The following ARHGAP35 variants were observed in gnomAD, a reference collection of about 807,000 sequenced individuals.
ARHGAP35 encodes rho GTPase-activating protein 35.
ARHGAP35 carries 15 observed loss-of-function variants against 111.1 expected under a neutral mutation model. The ratio of observed to expected loss-of-function variants is 0.13; its 90% confidence interval spans 0.09 to 0.21. The LOEUF (loss-of-function observed/expected upper bound fraction) is 0.21, where lower values mean the gene tolerates loss of function less well. ARHGAP35 is among the 10% of genes least tolerant of loss of function. The pLI is 1.00. For synonymous variants in ARHGAP35, 643 were observed against 710.3 expected (o/e 0.91, Z 1.51); for missense variants, 1,262 against 1,873.0 (o/e 0.67, Z 6.02).
At chr19:46,877,445 C>T (rs904901862) in intron 1 of ARHGAP35, among the ~76,000 whole-genome samples, 2 of 151,036 alleles carry the variant, frequency 1.3e-5, no homozygotes, top group African/African-American at 4.9e-5. Context: ...CACCTGTAAT[C>T]CCCAGCTACT....
chr19:46,889,245 C>G (rs1345115356), intron 1 of ARHGAP35, among the ~76,000 whole-genome samples: 1 of 152,146 alleles, frequency 6.6e-6, no homozygotes, highest in Non-Finnish European at 1.5e-5. Flanking sequence ...GTGGGCAGTT[C>G]ACGAGGTCAG....
chr19:46,986,993 T>G lies in ARHGAP35; in HGVS notation c.3827-996T>G, dbSNP rs549823733. 2.0e-5 allele frequency among the ~76,000 whole-genome samples: 3 copies of G among 151,982 alleles called. No individual in the cohort carries two copies. The highest frequency in any genetic ancestry group is 7.2e-5 in the African/African-American group (3 of 41,442). On this transcript the variant is annotated intron_variant, in intron 3 of 6. Transcript: ENST00000672722. The surrounding 1 kb of genome is among the most constrained non-coding windows in gnomAD (Gnocchi z 4.3). ...ATAGGCATGTGCCACCACACCCACC[T>G]AATTTTGTACTTTTAGTAGAGATGG...
intron 3 of ARHGAP35, among the ~76,000 whole-genome samples, chr19:46,949,765 G>A (rs921662534): frequency 2.0e-5 from 3 of 152,214 alleles, no homozygotes; most frequent in Non-Finnish European, 2.9e-5. Flanking sequence ...TTCAAAGGGA[G>A]TTTTTGACAA....
intron 1 of ARHGAP35, among the ~76,000 whole-genome samples, chr19:46,906,352 A>T (rs1243281301): frequency 1.3e-5 from 2 of 152,054 alleles, no homozygotes; most frequent in East Asian, 3.9e-4. Context: ...TGCTCTCTTG[A>T]GGCTGAAAGG....
Position 47,003,632 on chromosome 19 carries a change from G to GAGAGCTT in ARHGAP35, c.*2945_*2951dup, listed in dbSNP as rs2056760166. ...CCTAGCGTTTGGGGAGGAACAGGGAGAGAGCTTCGGGGCGTCTGTCTCCGT... is the reference window on the plus strand; with the variant it reads ...CCTAGCGTTTGGGGAGGAACAGGGAGAGAGCTTAGAGCTTCGGGGCGTCTGTCTCCGT... On this transcript the variant is annotated 3_prime_UTR_variant, in exon 7 of 7. Coordinates refer to ENST00000672722, the MANE Select transcript of ARHGAP35 (RefSeq NM_004491.5). 1 of 152,242 alleles carries GAGAGCTT rather than the reference G, an allele frequency of 6.6e-6. No individual in the cohort carries two copies. Among genetic ancestry groups the GAGAGCTT allele is most frequent in the Non-Finnish European group, 1.5e-5 (1 of 68,054 alleles). 9.4% of individuals were successfully genotyped at this position (152,242 alleles called of 1,614,324 possible).
rs529022212 is a variant in ARHGAP35 at position 46,940,934 on chromosome 19, C to T, written c.3826+3526C>T. 6.6e-5 allele frequency among the ~76,000 whole-genome samples: 10 copies of T among 152,250 alleles called. 1 individual carries two copies. In the South Asian group the frequency reaches 2.1e-3, roughly 32 times the overall value. ...TATGACAGTTTATCTGCTGAAAACC[C>T]ATCCTTGCTTCTTTGTTGCCTACCA... On this transcript the variant is annotated intron_variant, in intron 3 of 6. Transcript: ENST00000672722.
chr19:46,923,920 CAAA>C (rs34789986), intron 2 of ARHGAP35, among the ~76,000 whole-genome samples: 2 of 112,118 alleles, frequency 1.8e-5, no homozygotes, highest in Admixed American at 9.6e-5. Context: ...GACTCTGTCT[CAAA>C]AAAAAAAAAG....
chr19:46,896,535 A>G (rs1469338263), intron 1 of ARHGAP35, among the ~76,000 whole-genome samples: 1 of 152,236 alleles, frequency 6.6e-6, no homozygotes. Context: ...TAAAAGAGCA[A>G]GTGGATTAGA....
In ARHGAP35 at chr19:47,000,926, C is replaced by T; in HGVS notation, c.*238C>T. ...GGACCCATTTGAGGACTGAACTAGG[C>T]AGGCAATGGCTCCAGTGCCCTCCCT... On this transcript the variant is annotated 3_prime_UTR_variant, in exon 7 of 7. Transcript: ENST00000672722. The surrounding 1 kb of genome is among the most constrained non-coding windows in gnomAD (Gnocchi z 6.9). 6.5e-7 allele frequency: 1 copy of T among 1,528,400 alleles called. No individual in the cohort carries two copies. The highest frequency in any genetic ancestry group is 1.2e-5 in the South Asian group (1 of 83,140). The allele number at this position is 1,528,400 out of a possible 1,614,324, so 94.7% of individuals were successfully genotyped here.
At chr19:46,955,507 C>T (rs1201538652) in intron 3 of ARHGAP35, among the ~76,000 whole-genome samples, 1 of 152,164 alleles carries the variant, frequency 6.6e-6, no homozygotes, top group Non-Finnish European at 1.5e-5. Flanking sequence ...ACCAACAGTA[C>T]CTTCCTAATT....
chr19:46,948,950 G>A (rs954525490), intron 3 of ARHGAP35: 17 of 152,346 alleles, frequency 1.1e-4, no homozygotes, highest in African/African-American at 4.1e-4. Context: ...AAGGTCAGGA[G>A]ATCAAGACCA....
intron 1 of ARHGAP35, among the ~76,000 whole-genome samples, chr19:46,893,248 A>C (rs1239626179): frequency 6.6e-6 from 1 of 152,146 alleles, no homozygotes; most frequent in Non-Finnish European, 1.5e-5. Context: ...TGTGGGGAAC[A>C]GGTAGCCAGC....
At chr19:46,973,599 G>C (rs960339464) in intron 3 of ARHGAP35, among the ~76,000 whole-genome samples, 17 of 151,946 alleles carry the variant, frequency 1.1e-4, no homozygotes, top group African/African-American at 4.1e-4. Context: ...GCTGAGGCAG[G>C]AGAATGGCGT....
rs542616490 is a variant in ARHGAP35 at position 46,926,783 on chromosome 19, C to G, written c.3681+4427C>G. ...AACCAGTTTGACAGTTTGTGTCCCCCCCTAGTGAATTGGCTTATTTCATTG... is the reference window on the plus strand; with the variant it reads ...AACCAGTTTGACAGTTTGTGTCCCCGCCTAGTGAATTGGCTTATTTCATTG... On this transcript the variant is annotated intron_variant, in intron 2 of 6. Transcript: ENST00000672722. This position sits in a 1 kb window ranked among gnomAD's most constrained non-coding sequence, Gnocchi z 4.1. Among the ~76,000 whole-genome samples, 3 of 152,148 alleles carry G rather than the reference C, an allele frequency of 2.0e-5. No homozygotes were observed. Among genetic ancestry groups the G allele is most frequent in the Non-Finnish European group, 2.9e-5 (2 of 68,034 alleles).
In ARHGAP35 at chr19:46,999,152, A is replaced by C. The variant is rs2056732035; in HGVS notation, c.4037-152A>C. Reference sequence around the variant, plus strand: ...GGCCAGTGCCACTGCCAGGTGTGCCAGCCTTGGGCACAGGCTTTGGGGGAA... The same window carrying C: ...GGCCAGTGCCACTGCCAGGTGTGCCCGCCTTGGGCACAGGCTTTGGGGGAA... On this transcript the variant is annotated intron_variant, in intron 5 of 6. Coordinates refer to ENST00000672722, the MANE Select transcript of ARHGAP35 (RefSeq NM_004491.5). The surrounding 1 kb of genome is among the most constrained non-coding windows in gnomAD (Gnocchi z 5.4). The C allele has an allele frequency of 3.3e-6, 2 of 610,852 alleles. No homozygotes were observed. The highest frequency in any genetic ancestry group is 5.8e-6 in the Non-Finnish European group (2 of 344,586). 37.8% of individuals were successfully genotyped at this position (610,852 alleles called of 1,614,324 possible).
intron 1 of ARHGAP35, among the ~76,000 whole-genome samples, chr19:46,868,575 G>A (rs902690710): frequency 1.3e-5 from 2 of 152,126 alleles, no homozygotes; most frequent in Non-Finnish European, 2.9e-5. Flanking sequence ...CAGCATATTT[G>A]GAAAAGTTGA....
At chr19:46,887,205 G>T (rs193136678) in intron 1 of ARHGAP35, among the ~76,000 whole-genome samples, 1 of 152,170 alleles carries the variant, frequency 6.6e-6, no homozygotes, top group Non-Finnish European at 1.5e-5. Flanking sequence ...GTGAAGATGG[G>T]GGGTGGGGGA....
chr19:46,937,626 G>A (rs543219010), intron 3 of ARHGAP35, among the ~76,000 whole-genome samples: 70 of 152,284 alleles, frequency 4.6e-4, no homozygotes, highest in African/African-American at 1.4e-3. Context: ...CTTGGCCTAC[G>A]AAGGAGCTGT....
intron 2 of ARHGAP35, among the ~76,000 whole-genome samples, chr19:46,936,026 A>T (rs913171994): frequency 2.0e-5 from 3 of 152,160 alleles, no homozygotes; most frequent in African/African-American, 7.2e-5. Context: ...ATTGAGTGTC[A>T]TCAGGTTTAA....
Sources: gnomAD v4.1 joint callset for allele counts (sites outside exome capture counted in the v4.1 genomes callset) on GRCh38, gnomAD v4.1.1 for gene constraint, Gnocchi (gnomAD v3.1) non-coding constraint, MANE v1.5 for transcripts, NCBI Gene and HGNC (gene_info 2026-07-23, HGNC 2026-07-21) for gene names.